Variants in CREBBP observed in about 807,000 individuals in gnomAD.
The protein encoded by CREBBP is CREB binding lysine acetyltransferase, also known as CREB-binding protein.
A neutral mutation model predicts 265.0 loss-of-function variants in CREBBP; 19 were observed. That is an observed-to-expected ratio of 0.07 (90% CI 0.05 to 0.11). The LOEUF (loss-of-function observed/expected upper bound fraction) is 0.11. Ranked by LOEUF, CREBBP falls within the 10% of genes least tolerant of loss-of-function variation. The pLI is 1.00. For synonymous variants in CREBBP, 1,457 were observed against 1,223.7 expected (o/e 1.19, Z -3.98); for missense variants, 2,525 against 3,219.0 (o/e 0.78, Z 5.22).
intron 1 of CREBBP, 73 bp downstream of exon 1, chr16:3,879,759 C>T (rs1161949560): frequency 1.1e-5 from 16 of 1,469,942 alleles, no homozygotes; most frequent in African/African-American, 1.4e-5. Flanking sequence ...GCGACCACGA[C>T]CCCCGGACGC....
intron 9 of CREBBP, 57 bp from the exon 10 acceptor site, chr16:3,778,239 G>T: frequency 1.4e-6 from 2 of 1,399,032 alleles, no homozygotes; most frequent in Non-Finnish European, 1.0e-6. Context: ...GCAACTGAAT[G>T]ATCTGTGTTG....
At position 3,732,462 on chromosome 16, in the gene CREBBP, A is replaced by G. The variant is rs184374530; in HGVS notation, c.4729-525T>C. ...AGGCTGGCTCCCTGCTGGGGCCATC[A>G]GTGCTGCGCCTGACTGGCTGAAGGT... On this transcript the variant is annotated intron_variant, in intron 28 of 30. Coordinates refer to ENST00000262367, the MANE Select transcript of CREBBP (RefSeq NM_004380.3). 3.5e-3 allele frequency among the ~76,000 whole-genome samples: 540 copies of G among 152,266 alleles called. 5 individuals are homozygous for G. Among genetic ancestry groups the G allele is most frequent in the African/African-American group, 0.012 (505 of 41,556 alleles).
At chr16:3,817,658 A>C (rs2054064334) in intron 2 of CREBBP, among the ~76,000 whole-genome samples, 1 of 152,260 alleles carries the variant, frequency 6.6e-6, no homozygotes, top group African/African-American at 2.4e-5. Context: ...AGAAGAAATC[A>C]TCAAAATAGA....
At chr16:3,766,098 T>C (rs2052845785) in intron 16 of CREBBP, among the ~76,000 whole-genome samples, 1 of 151,948 alleles carries the variant, frequency 6.6e-6, no homozygotes, top group African/African-American at 2.4e-5. Context: ...ATATGGAAAA[T>C]CTGCAGAACT....
chr16:3,788,244 G>A (rs1189211261), intron 5 of CREBBP, among the ~76,000 whole-genome samples: 2 of 152,206 alleles, frequency 1.3e-5, no homozygotes, highest in Non-Finnish European at 2.9e-5. Flanking sequence ...CAGATACCTG[G>A]TCTTCCAAGG....
intron 25 of CREBBP, 102 bp downstream of exon 25, chr16:3,739,476 C>A: frequency 7.4e-7 from 1 of 1,360,196 alleles, no homozygotes; most frequent in Non-Finnish European, 1.0e-6. Context: ...TTACTTTAAT[C>A]CCCTATGAAG....
In CREBBP at chr16:3,810,708, G is replaced by A; in HGVS notation, c.870C>T (p.Ala290=). Residue 290 remains alanine, a synonymous_variant, in exon 3 of 31, where the codon GCC becomes GCT. Coordinates refer to ENST00000262367, the MANE Select transcript of CREBBP (RefSeq NM_004380.3). The stretch of plus-strand genomic sequence containing the variant: ...TGGCTAACTGGGGGTTCACTCCAGT[G>A]GCTCCCATTGGCTGCCCTCCAGCTT... ...FSQAGGQPMG[A]TGVNPQLASK... 6.2e-7 allele frequency: 1 copy of A among 1,613,896 alleles called. No homozygotes were observed. The highest frequency in any genetic ancestry group is 8.5e-7 in the Non-Finnish European group (1 of 1,179,984).
At chr16:3,810,883 G>T in intron 2 of CREBBP, 104 bp from the exon 3 acceptor site, 1 of 1,194,096 alleles carries the variant, frequency 8.4e-7, no homozygotes, top group Non-Finnish European at 1.2e-6. Context: ...TCATTGCAAT[G>T]ATAAATTCAA....
At chr16:3,826,326 G>A (rs1460022060) in intron 2 of CREBBP, among the ~76,000 whole-genome samples, 1 of 152,116 alleles carries the variant, frequency 6.6e-6, no homozygotes, top group Non-Finnish European at 1.5e-5. Context: ...CCACACTGAA[G>A]AAGTCTAAAT....
chr16:3,815,681 G>A (rs2054024683), intron 2 of CREBBP, among the ~76,000 whole-genome samples: 1 of 150,672 alleles, frequency 6.6e-6, no homozygotes, highest in Admixed American at 6.6e-5. Flanking sequence ...GAGGTACATA[G>A]TAGGTATATA....
chr16:3,770,987 C>T lies in CREBBP; in HGVS notation c.2464-1G>A, dbSNP rs2052993075. ...GAAGAGCAGCACCAGGCACCTGTCC[C>T]TACCAGAAATGGACAGAGTATGGTA... On this transcript the variant is annotated splice_acceptor_variant, in intron 13 of 30. Coordinates refer to ENST00000262367, the MANE Select transcript of CREBBP (RefSeq NM_004380.3). LOFTEE classifies it high-confidence loss of function. 1 of 1,613,210 alleles carries T rather than the reference C, an allele frequency of 6.2e-7. No homozygotes were observed. Among genetic ancestry groups the T allele is most frequent in the South Asian group, 1.1e-5 (1 of 91,080 alleles).
In CREBBP at chr16:3,729,137, C is replaced by A. The variant is rs749069343; in HGVS notation, c.5910G>T (p.Gln1970His). 4.6e-6 allele frequency: 7 copies of A among 1,535,914 alleles called. No individual in the cohort carries two copies. The highest frequency in any genetic ancestry group is 5.2e-6 in the Non-Finnish European group (6 of 1,144,016). ...TGTTGATGTTCACCCGGTACAGGTG[C>A]TGCTGCTGCTGGGCCTCACGCTCGA... The part of the protein sequence containing the change: ...RQIEREAQQQ[Q>H]HLYRVNINNS... The change falls in exon 31 of 31, where the codon CAG (glutamine) becomes CAT (histidine). Residue 1970 changes from glutamine to histidine, a missense_variant. Coordinates refer to ENST00000262367, the MANE Select transcript of CREBBP (RefSeq NM_004380.3).
At chr16:3,817,564 A>G (rs913488637) in intron 2 of CREBBP, among the ~76,000 whole-genome samples, 1 of 152,230 alleles carries the variant, frequency 6.6e-6, no homozygotes, top group Non-Finnish European at 1.5e-5. Flanking sequence ...TAAGGGTTTA[A>G]GGAGAGAGAA....
At chr16:3,857,957 A>C (rs1233667281) in intron 1 of CREBBP, among the ~76,000 whole-genome samples, 1 of 152,218 alleles carries the variant, frequency 6.6e-6, no homozygotes, top group Non-Finnish European at 1.5e-5. Context: ...CTTAGGAAGG[A>C]GAAAGTTACA....
chr16:3,874,007 T>C (rs975595917), intron 1 of CREBBP, among the ~76,000 whole-genome samples: 25 of 151,796 alleles, frequency 1.6e-4, no homozygotes, highest in African/African-American at 6.0e-4. Context: ...GGCTCTGGAG[T>C]TCTTACTGAC....
chr16:3,742,221 AG>A (rs1410786909), intron 23 of CREBBP: 14 of 152,372 alleles, frequency 9.2e-5, no homozygotes, highest in Admixed American at 9.1e-4. Flanking sequence ...CAGACAGCAC[AG>A]GGGTCTAGGC....
chr16:3,850,383 C>T lies in CREBBP; in HGVS notation c.712G>A (p.Val238Met), dbSNP rs146887252. Residue 238 changes from valine (V) to methionine (M), a missense_variant, in exon 2 of 31, where the codon GTG (valine) becomes ATG (methionine). Transcript: ENST00000262367. The part of the protein sequence containing the change: ...TPAMQGASSS[V>M]LAETLTQVSP... ...ACCTGCGTTAGGGTCTCAGCCAGCA[C>T]GCTGCTCGAGGCGCCCTGCATGGCT... 66 of 1,614,126 alleles carry T rather than the reference C, an allele frequency of 4.1e-5. No individual in the cohort carries two copies. Among genetic ancestry groups the T allele is most frequent in the South Asian group, 5.5e-5 (5 of 91,088 alleles).
At chr16:3,748,227 G>C (rs865903610) in intron 21 of CREBBP, among the ~76,000 whole-genome samples, 1 of 151,910 alleles carries the variant, frequency 6.6e-6, no homozygotes, top group African/African-American at 2.4e-5. Flanking sequence ...GCAGTGAGCC[G>C]AGATCGCGCC....
intron 21 of CREBBP, among the ~76,000 whole-genome samples, chr16:3,748,957 C>T (rs1239457430): frequency 6.6e-6 from 1 of 152,154 alleles, no homozygotes; most frequent in African/African-American, 2.4e-5. Context: ...ACCATCCTGG[C>T]TAACACAGTG....
Sources: allele counts gnomAD v4.1 joint callset (sites outside exome capture counted in the v4.1 genomes callset), GRCh38; gene constraint gnomAD v4.1.1; transcripts MANE v1.5; gene names NCBI Gene and HGNC (gene_info 2026-07-23, HGNC 2026-07-21).